ARHGAP24: variants seen among roughly 807,000 people sequenced by gnomAD.
The protein encoded by ARHGAP24 is Rho GTPase activating protein 24.
Under a neutral mutation model 76.4 loss-of-function variants are expected in ARHGAP24, and 50 were observed. The observed-to-expected ratio is 0.65, with a 90% CI of 0.52 to 0.83. The LOEUF is 0.83. Ranked by LOEUF, ARHGAP24 falls within the 40% of genes least tolerant of loss-of-function variation. The pLI is 0.00. For missense variants in ARHGAP24, 930 were observed against 914.2 expected (o/e 1.02, Z -0.22); for synonymous variants, 345 against 323.3 (o/e 1.07, Z -0.72).
chr4:85,850,866 A>C (rs984511850), intron 3 of ARHGAP24, among the ~76,000 whole-genome samples: 3 of 152,150 alleles, frequency 2.0e-5, no homozygotes, highest in African/African-American at 7.2e-5. Context: ...ACTTTACTTC[A>C]AACTATGTGG....
intron 2 of ARHGAP24, among the ~76,000 whole-genome samples, chr4:85,626,548 T>C (rs898610279): frequency 1.3e-5 from 2 of 152,208 alleles, no homozygotes; most frequent in African/African-American, 2.4e-5. Context: ...CTGACAATTA[T>C]GTGTCTTGGA....
intron 5 of ARHGAP24, among the ~76,000 whole-genome samples, chr4:85,951,157 C>A (rs1195768064): frequency 6.6e-6 from 1 of 151,844 alleles, no homozygotes; most frequent in Admixed American, 6.6e-5. Context: ...TATGCAAAAT[C>A]CTGGATTCTG....
At chr4:85,887,437 T>C (rs1733623747) in intron 3 of ARHGAP24, among the ~76,000 whole-genome samples, 1 of 152,112 alleles carries the variant, frequency 6.6e-6, no homozygotes, top group African/African-American at 2.4e-5. Context: ...TGAAAATCTA[T>C]CCTTAAAATA....
intron 3 of ARHGAP24, among the ~76,000 whole-genome samples, chr4:85,756,800 G>GCA (rs1680226331): frequency 6.6e-6 from 1 of 152,114 alleles, no homozygotes; most frequent in African/African-American, 2.4e-5. Flanking sequence ...CTCAGGAGCT[G>GCA]GTTTATTGAT....
At chr4:85,741,514 T>G (rs1331732504) in intron 3 of ARHGAP24, among the ~76,000 whole-genome samples, 1 of 151,172 alleles carries the variant, frequency 6.6e-6, no homozygotes, top group Non-Finnish European at 1.5e-5. Context: ...TTTTTATTTT[T>G]AGATTCAGTT....
intron 2 of ARHGAP24, among the ~76,000 whole-genome samples, chr4:85,714,997 A>C (rs6531857): frequency 0.97 from 147,115 of 152,164 alleles, 71,313 homozygotes; most frequent in East Asian, 1. Context: ...ATTTATCATG[A>C]CAGAGTCTGC....
At chr4:85,618,614 TTTTC>T (rs1161912276) in intron 2 of ARHGAP24, among the ~76,000 whole-genome samples, 28 of 152,056 alleles carry the variant, frequency 1.8e-4, no homozygotes, top group Admixed American at 1.8e-3. Flanking sequence ...AAGTGTTCCT[TTTTC>T]TTCACATCCT....
chr4:85,476,016 A>T (rs1722583469), intron 1 of ARHGAP24, among the ~76,000 whole-genome samples: 1 of 148,888 alleles, frequency 6.7e-6, no homozygotes, highest in Non-Finnish European at 1.5e-5. Context: ...TATTTGCAAA[A>T]ATATATATTT....
At chr4:85,876,329 G>T (rs1305387353) in intron 3 of ARHGAP24, among the ~76,000 whole-genome samples, 2 of 152,112 alleles carry the variant, frequency 1.3e-5, no homozygotes, top group African/African-American at 4.8e-5. Flanking sequence ...TGAATTGTCA[G>T]CATTGTCTTT....
intron 3 of ARHGAP24, among the ~76,000 whole-genome samples, chr4:85,750,954 AT>A (rs1726239916): frequency 6.6e-6 from 1 of 152,160 alleles, no homozygotes; most frequent in African/African-American, 2.4e-5. Context: ...TTTCATAATA[AT>A]TTTTAGAATA....
chr4:85,852,047 C>T (rs1366344824), intron 3 of ARHGAP24, among the ~76,000 whole-genome samples: 2 of 152,152 alleles, frequency 1.3e-5, no homozygotes, highest in Non-Finnish European at 2.9e-5. Flanking sequence ...AGAGTGTTTT[C>T]CAGCTTGGTT....
chr4:85,764,298 C>T lies in ARHGAP24; in HGVS notation c.268+42326C>T, dbSNP rs547559424. 1.2e-4 allele frequency among the ~76,000 whole-genome samples: 19 copies of T among 152,110 alleles called. 1 individual carries two copies. The South Asian group carries it at 3.3e-3, about 27-fold the overall frequency. ...CTATCTGCTATAGTGTGAGGGCTCT[C>T]GTGTGGCAACATTTTACTGTTGTTC... On this transcript the variant is annotated intron_variant, in intron 3 of 9. Transcript: ENST00000395184.
intron 2 of ARHGAP24, among the ~76,000 whole-genome samples, chr4:85,610,866 A>G (rs1226052167): frequency 6.6e-6 from 1 of 152,170 alleles, no homozygotes; most frequent in African/African-American, 2.4e-5. Context: ...TATTGAAGTA[A>G]GTTAGATCTG....
intron 3 of ARHGAP24, among the ~76,000 whole-genome samples, chr4:85,834,252 T>G (rs1730148041): frequency 6.6e-6 from 1 of 152,222 alleles, no homozygotes; most frequent in Non-Finnish European, 1.5e-5. Context: ...GACCTCATTA[T>G]CATTATCTGT....
intron 2 of ARHGAP24, among the ~76,000 whole-genome samples, chr4:85,669,687 ATATATG>A (rs1722759241): frequency 5.1e-5 from 5 of 97,746 alleles, no homozygotes; most frequent in Admixed American, 1.3e-4. Flanking sequence ...ATATATATAT[ATATATG>A]TGATATATAT....
In ARHGAP24 at chr4:85,973,833, G is replaced by GTTTTTTTTTTTTT. The variant is rs1199796194; in HGVS notation, c.733-1040_733-1028dup. ...CTCATGTCAAAAACTGCTGCCTATT[G>GTTTTTTTTTTTTT]TTTTTTTTTTTTTTTTTTTTTTTTT... is the stretch of plus-strand genomic sequence containing the variant. On this transcript the variant is annotated intron_variant, in intron 6 of 9. Coordinates refer to ENST00000395184, the MANE Select transcript of ARHGAP24 (RefSeq NM_001025616.3). Among the ~76,000 whole-genome samples the GTTTTTTTTTTTTT allele has an allele frequency of 1.8e-3, 76 of 42,822 alleles. 21 individuals carry two copies. The highest frequency in any genetic ancestry group is 4.0e-3 in the African/African-American group (38 of 9,526). 28.1% of individuals were successfully genotyped at this position (42,822 alleles called of 152,430 possible).
intron 1 of ARHGAP24, among the ~76,000 whole-genome samples, chr4:85,489,873 T>C (rs797006085): frequency 6.6e-6 from 1 of 152,142 alleles, no homozygotes; most frequent in African/African-American, 2.4e-5. Flanking sequence ...TAAGGAGCAA[T>C]AATAATAGTG....
At chr4:85,598,112 A>G (rs942291016) in intron 2 of ARHGAP24, among the ~76,000 whole-genome samples, 3 of 152,114 alleles carry the variant, frequency 2.0e-5, no homozygotes, top group African/African-American at 7.2e-5. Flanking sequence ...CAGCCACACT[A>G]TAAAGCAAAA....
chr4:85,693,219 T>A (rs1723735985), intron 2 of ARHGAP24, among the ~76,000 whole-genome samples: 1 of 152,170 alleles, frequency 6.6e-6, no homozygotes. Context: ...AGTAGAGAAG[T>A]GACCCCCATT....
Sources: gnomAD v4.1 joint callset for allele counts (sites outside exome capture counted in the v4.1 genomes callset) on GRCh38, gnomAD v4.1.1 for gene constraint, MANE v1.5 for transcripts, NCBI Gene and HGNC (gene_info 2026-07-23, HGNC 2026-07-21) for gene names.